The following RPS6KC1 variants were observed in gnomAD, a reference collection of about 807,000 sequenced individuals.
The protein encoded by RPS6KC1 is inactive ribosomal protein S6 kinase delta-1.
A neutral mutation model predicts 103.8 loss-of-function variants in RPS6KC1; 54 were observed. The ratio of observed to expected loss-of-function variants is 0.52; its 90% CI spans 0.42 to 0.65. The LOEUF (loss-of-function observed/expected upper bound fraction) is 0.65, where lower values mean the gene tolerates loss of function less well. Among genes scored for constraint, RPS6KC1 ranks in the 30% least tolerant of loss-of-function variants. RPS6KC1 has a pLI of 0.00. For synonymous variants in RPS6KC1, 439 were observed against 438.7 expected (o/e 1.00, Z -0.01); for missense variants, 1,151 against 1,253.8 (o/e 0.92, Z 1.24).
the RPS6KC1 span, among the ~76,000 whole-genome samples, chr1:213,805,601 A>T: frequency 6.6e-6 from 1 of 152,332 alleles, no homozygotes; most frequent in African/African-American, 2.4e-5. Flanking sequence ...TTTCCACTAC[A>T]TCTGCAGTTA....
At chr1:213,812,296 G>A in the RPS6KC1 span, among the ~76,000 whole-genome samples, 2 of 152,108 alleles carry the variant, frequency 1.3e-5, no homozygotes, top group Admixed American at 1.3e-4. Context: ...CCTCTTTTTG[G>A]TAGTATGGGA....
the RPS6KC1 span, among the ~76,000 whole-genome samples, chr1:213,313,833 G>C: frequency 6.6e-6 from 1 of 152,134 alleles, no homozygotes; most frequent in Non-Finnish European, 1.5e-5. Flanking sequence ...GGCACGTGTA[G>C]TCCCAGCTAC....
the RPS6KC1 span, among the ~76,000 whole-genome samples, chr1:213,642,993 G>A: frequency 1.3e-5 from 2 of 151,584 alleles, no homozygotes; most frequent in Admixed American, 6.6e-5. Context: ...TATATATAGT[G>A]CTTAGTTTTA....
chr1:213,774,305 C>T, the RPS6KC1 span, among the ~76,000 whole-genome samples: 2 of 152,216 alleles, frequency 1.3e-5, no homozygotes, highest in African/African-American at 4.8e-5. Flanking sequence ...ACTAAGTCAG[C>T]TCCCAGTCCT....
chr1:213,247,745 TC>T (rs2094476014), intron 12 of RPS6KC1, among the ~76,000 whole-genome samples: 1 of 152,156 alleles, frequency 6.6e-6, no homozygotes, highest in Non-Finnish European at 1.5e-5. Context: ...AGATGTCAGA[TC>T]ATCTGACATC....
the RPS6KC1 span, among the ~76,000 whole-genome samples, chr1:213,776,656 A>G: frequency 6.6e-6 from 1 of 152,222 alleles, no homozygotes; most frequent in Non-Finnish European, 1.5e-5. Flanking sequence ...ATTGAACATT[A>G]GCTTCCACTT....
At chr1:213,309,088 G>A in the RPS6KC1 span, among the ~76,000 whole-genome samples, 1 of 151,990 alleles carries the variant, frequency 6.6e-6, no homozygotes, top group Non-Finnish European at 1.5e-5. Flanking sequence ...TCAGGAGTTC[G>A]AGACCAGCCT....
chr1:213,499,123 T>C, the RPS6KC1 span, among the ~76,000 whole-genome samples: 1 of 152,176 alleles, frequency 6.6e-6, no homozygotes, highest in African/African-American at 2.4e-5. Context: ...TAAACAGTGT[T>C]GTAACACTGG....
the RPS6KC1 span, among the ~76,000 whole-genome samples, chr1:213,745,625 G>A: frequency 6.6e-6 from 1 of 152,128 alleles, no homozygotes; most frequent in Non-Finnish European, 1.5e-5. Context: ...CCCAGGGAAG[G>A]AGGATTGATT....
rs927668329 is a variant in RPS6KC1 at position 213,241,399 on chromosome 1, T to C, written c.1923T>C (p.Ala641=). 1 of 1,613,826 alleles carries C rather than the reference T, an allele frequency of 6.2e-7. No individual in the cohort carries two copies. Among genetic ancestry groups the C allele is most frequent in the Non-Finnish European group, 8.5e-7 (1 of 1,179,960 alleles). Residue 641 remains alanine (A), a synonymous_variant, in exon 11 of 15, where the codon GCT becomes GCC. Coordinates refer to ENST00000366960, the MANE Select transcript of RPS6KC1 (RefSeq NM_012424.6). ...TTACTCTTCCAGATGGAGACAGTGCTTCTAGGAGTTTTAATACTAGTGAAA... is the reference window on the plus strand; with the variant it reads ...TTACTCTTCCAGATGGAGACAGTGCCTCTAGGAGTTTTAATACTAGTGAAA... ...PFFTLPDGDS[A]SRSFNTSESK...
At chr1:213,440,593 T>TAAAAAAAAAAAA in the RPS6KC1 span, among the ~76,000 whole-genome samples, 7 of 100,386 alleles carry the variant, frequency 7.0e-5, no homozygotes, top group Admixed American at 1.1e-4. Flanking sequence ...TTAATGGAAC[T>TAAAAAAAAAAAA]AAAAAAAAAA....
the RPS6KC1 span, among the ~76,000 whole-genome samples, chr1:213,295,147 G>A: frequency 6.6e-6 from 1 of 152,128 alleles, no homozygotes; most frequent in African/African-American, 2.4e-5. Context: ...TAGATATCCT[G>A]TCAATGTGGA....
the RPS6KC1 span, among the ~76,000 whole-genome samples, chr1:213,641,842 A>AAAT: frequency 1.3e-5 from 2 of 150,688 alleles, no homozygotes; most frequent in African/African-American, 4.9e-5. Flanking sequence ...ATAAATAAAT[A>AAAT]AATAAATAAA....
chr1:213,328,504 CTATATATATA>C, the RPS6KC1 span, among the ~76,000 whole-genome samples: 227 of 101,462 alleles, frequency 2.2e-3, 4 homozygotes, highest in African/African-American at 3.4e-3. Flanking sequence ...AGCCATTATA[CTATATATATA>C]TATATATATA....
the RPS6KC1 span, among the ~76,000 whole-genome samples, chr1:213,386,021 C>T: frequency 2.0e-5 from 3 of 152,158 alleles, no homozygotes; most frequent in East Asian, 5.8e-4. Context: ...GTTTGATCCT[C>T]AATGTTGGAG....
chr1:213,469,187 G>A, the RPS6KC1 span, among the ~76,000 whole-genome samples: 1 of 152,144 alleles, frequency 6.6e-6, no homozygotes, highest in Non-Finnish European at 1.5e-5. Flanking sequence ...CTGGCTCAGA[G>A]AGATGCAGGA....
chr1:213,171,844 G>A (rs1281513689), intron 7 of RPS6KC1, among the ~76,000 whole-genome samples: 1 of 152,186 alleles, frequency 6.6e-6, no homozygotes, highest in African/African-American at 2.4e-5. Flanking sequence ...ATTAGGGTTG[G>A]TAGATTGCCC....
chr1:213,461,201 A>T, the RPS6KC1 span, among the ~76,000 whole-genome samples: 6 of 152,244 alleles, frequency 3.9e-5, no homozygotes, highest in Non-Finnish European at 8.8e-5. Flanking sequence ...AAGAGAATAA[A>T]ATATCTAGGA....
At chr1:213,255,239 T>C (rs2094614996) in intron 12 of RPS6KC1, among the ~76,000 whole-genome samples, 2 of 151,668 alleles carry the variant, frequency 1.3e-5, no homozygotes, top group South Asian at 4.2e-4. Flanking sequence ...GATGGGAGGA[T>C]TGCTTGAGCC....
Sources: allele counts gnomAD v4.1 joint callset (sites outside exome capture counted in the v4.1 genomes callset), GRCh38; gene constraint gnomAD v4.1.1; transcripts MANE v1.5; gene names NCBI Gene and HGNC (gene_info 2026-07-23, HGNC 2026-07-21).